The following DOCK7 variants were observed in gnomAD, a reference collection of about 807,000 sequenced individuals.
The protein encoded by DOCK7 is dedicator of cytokinesis 7.
DOCK7 carries 138 observed loss-of-function variants against 271.0 expected under a neutral mutation model. The ratio of observed to expected loss-of-function variants is 0.51; its 90% CI spans 0.44 to 0.59. DOCK7 has a LOEUF of 0.59. DOCK7 is among the 20% of genes least tolerant of loss of function. The pLI, the probability that DOCK7 is intolerant of heterozygous loss-of-function variation, is 0.00. For synonymous variants in DOCK7, 823 were observed against 876.1 expected, an observed-to-expected ratio of 0.94 and a Z score of 1.07; for missense variants, 2,066 against 2,592.4, an observed-to-expected ratio of 0.80 and a Z score of 4.41.
chr1:62,545,716 A>C (rs2149405753), intron 22 of DOCK7, among the ~76,000 whole-genome samples: 1 of 152,248 alleles, frequency 6.6e-6, no homozygotes, highest in East Asian at 1.9e-4. Context: ...TTATATCTTC[A>C]TCATCATCTT....
chr1:62,642,940 A>C lies in DOCK7; in HGVS notation c.818+4751T>G, dbSNP rs12048242. Among the ~76,000 whole-genome samples, 77 of 152,320 alleles carry C rather than the reference A, an allele frequency of 5.1e-4. 1 individual carries two copies. The East Asian group carries it at 0.013, about 26-fold the overall frequency. On this transcript the variant is annotated intron_variant, in intron 7 of 49. Coordinates refer to ENST00000635253, the MANE Select transcript of DOCK7 (RefSeq NM_001367561.1). Reference sequence around the variant, plus strand: ...CATTAAGAAAAGTCTATTTCTCCATACCTTGAATTCAGGCTACCCTTGTGA... The same window carrying C: ...CATTAAGAAAAGTCTATTTCTCCATCCCTTGAATTCAGGCTACCCTTGTGA...
intron 14 of DOCK7, among the ~76,000 whole-genome samples, chr1:62,589,347 A>T (rs1648076845): frequency 6.6e-6 from 1 of 152,164 alleles, no homozygotes; most frequent in Non-Finnish European, 1.5e-5. Flanking sequence ...TAGAGTTATT[A>T]TTCTTATGGA....
Position 62,648,178 on chromosome 1 carries a change from G to C in DOCK7, c.660C>G (p.Asp220Glu), listed in dbSNP as rs1557856323. The C allele has an allele frequency of 1.9e-6, 3 of 1,613,576 alleles. No homozygotes were observed. The highest frequency in any genetic ancestry group is 1.7e-6 in the Non-Finnish European group (2 of 1,179,730). The change falls in exon 6 of 50, where the codon GAC becomes GAG. Residue 220 changes from aspartate to glutamate, a missense_variant. By Grantham distance (45) the Asp-to-Glu change is conservative. Around this residue, in one of 2 missense-constraint regions of DOCK7, gnomAD observed 1,414 missense variants for 1,670.4 expected, o/e 0.85. Transcript: ENST00000635253. ...ATTTCCTTTGGTCATCATTCTGACG[G>C]TCTATTTCTTCATTTGGAGTTCGAT... ...LLDRTPNEEIDRQNDDQRKSN... is the reference protein window; with the variant it reads ...LLDRTPNEEIERQNDDQRKSN...
chr1:62,603,283 C>T (rs1650427514), intron 14 of DOCK7, among the ~76,000 whole-genome samples: 1 of 151,268 alleles, frequency 6.6e-6, no homozygotes, highest in African/African-American at 2.4e-5. Flanking sequence ...AACTCAATAG[C>T]AATAAGACAA....
intron 9 of DOCK7, 55 bp downstream of exon 9, chr1:62,634,718 C>T: frequency 1.3e-6 from 2 of 1,512,710 alleles, no homozygotes; most frequent in Non-Finnish European, 1.8e-6. Context: ...ATAATACTGA[C>T]AGACAAGTAT....
At position 62,473,993 on chromosome 1, in the gene DOCK7, A is replaced by G; in HGVS notation, c.6201T>C (p.Asp2067=). 6.2e-7 allele frequency: 1 copy of G among 1,613,702 alleles called. No homozygotes were observed. The highest frequency in any genetic ancestry group is 1.1e-5 in the South Asian group (1 of 91,016). ...AAAGCCTTGAATACCTTTTAGTAAA[A>G]TCTTTAAAGCAGAGTCGCAGTTTAT... is the stretch of plus-strand genomic sequence containing the variant. ...HHNKLRLCFK[D]FTKRCEDALR... is the part of the protein sequence containing the mutation. Residue 2067 remains aspartate (D), a synonymous_variant, in exon 48 of 50, where the codon GAT becomes GAC. Transcript: ENST00000635253.
At chr1:62,586,101 C>G (rs946769001) in intron 15 of DOCK7, among the ~76,000 whole-genome samples, 5 of 152,106 alleles carry the variant, frequency 3.3e-5, no homozygotes, top group Non-Finnish European at 7.4e-5. Flanking sequence ...CACATCACTT[C>G]CCACCTCCTT....
In DOCK7 at chr1:62,519,087, T is replaced by C. The variant is rs80030400; in HGVS notation, c.3937-5189A>G. ...CTACTTTAAAAAGCATCATAGTTCA[T>C]GTAGATGAAAGTGCAATCCACCAAA... On this transcript the variant is annotated intron_variant, in intron 31 of 49. Transcript: ENST00000635253. Among the ~76,000 whole-genome samples the C allele has an allele frequency of 3.7e-3, 562 of 152,000 alleles. 1 individual carries two copies. The highest frequency in any genetic ancestry group is 0.011 in the African/African-American group (448 of 41,440).
chr1:62,597,970 A>G lies in DOCK7; in HGVS notation c.1683-11346T>C, dbSNP rs1042280900. 5 of 1,558,570 alleles carry G rather than the reference A, an allele frequency of 3.2e-6. No homozygotes were observed. In the African/African-American group the frequency reaches 7.0e-5, roughly 22 times the overall value. ...CTCCTAGAAGAAAAAATTCTACTTC[A>G]ACAAAAAGTGAAATATTTAGAAGAG... On this transcript the variant is annotated intron_variant, in intron 14 of 49. Transcript: ENST00000635253.
intron 1 of DOCK7, among the ~76,000 whole-genome samples, chr1:62,680,817 A>C (rs1661038628): frequency 6.6e-6 from 1 of 151,998 alleles, no homozygotes; most frequent in Non-Finnish European, 1.5e-5. Context: ...GAGAAATGCA[A>C]ATCAAAACCA....
At chr1:62,592,720 G>A (rs1258260364) in intron 14 of DOCK7, among the ~76,000 whole-genome samples, 1 of 152,048 alleles carries the variant, frequency 6.6e-6, no homozygotes, top group Non-Finnish European at 1.5e-5. Context: ...ATATATACTT[G>A]TCTATTAGAT....
Position 62,653,741 on chromosome 1 carries a change from C to T in DOCK7, c.373G>A (p.Ala125Thr). The part of the protein sequence containing the change: ...DCIRSYTEDW[A>T]IVIRKYHKLG... ...ATAACTTACTTTCTGATGACAATTG[C>T]CCAGTCTTCTGTATAACTTCTTATA... Residue 125 changes from alanine to threonine, a missense_variant, in exon 4 of 50, where the codon GCA becomes ACA. Around this residue, in one of 2 missense-constraint regions of DOCK7, gnomAD observed 1,414 missense variants for 1,670.4 expected, o/e 0.85. Transcript: ENST00000635253. 6.3e-7 allele frequency: 1 copy of T among 1,583,090 alleles called. No homozygotes were observed. Among genetic ancestry groups the T allele is most frequent in the South Asian group, 1.1e-5 (1 of 89,626 alleles).
At chr1:62,672,257 C>G (rs955081588) in intron 1 of DOCK7, among the ~76,000 whole-genome samples, 2 of 152,014 alleles carry the variant, frequency 1.3e-5, no homozygotes, top group Admixed American at 6.5e-5. Flanking sequence ...TTCTTGATAC[C>G]TTACATTATA....
intron 1 of DOCK7, 88 bp from the exon 2 acceptor site, chr1:62,663,218 A>G: frequency 2.0e-6 from 2 of 1,017,944 alleles, no homozygotes; most frequent in South Asian, 2.9e-5. Flanking sequence ...AATACATTAA[A>G]GATTCATTTA....
At chr1:62,624,311 G>A (rs916120359) in intron 12 of DOCK7, among the ~76,000 whole-genome samples, 7 of 151,794 alleles carry the variant, frequency 4.6e-5, no homozygotes, top group Non-Finnish European at 8.8e-5. Context: ...TATTCTACTC[G>A]TGTTTTCTTT....
At chr1:62,631,534 C>A in intron 10 of DOCK7, 129 bp from the exon 11 acceptor site, 1 of 753,478 alleles carries the variant, frequency 1.3e-6, no homozygotes, top group Non-Finnish European at 2.1e-6. Context: ...AAAATCTGTA[C>A]CTTACAGAGA....
At chr1:62,633,635 G>T in intron 9 of DOCK7, 57 bp from the exon 10 acceptor site, 1 of 1,230,806 alleles carries the variant, frequency 8.1e-7, no homozygotes, top group Non-Finnish European at 1.2e-6. Context: ...ATTCAAGGAT[G>T]GTTCAATATA....
At chr1:62,472,651 T>C (rs1243015068) in intron 48 of DOCK7, among the ~76,000 whole-genome samples, 1 of 152,222 alleles carries the variant, frequency 6.6e-6, no homozygotes. Context: ...TTTACAAAGA[T>C]GGTAGGGTGT....
In DOCK7 at chr1:62,492,817, C is replaced by T. The variant is rs776064311; in HGVS notation, c.5248G>A (p.Ala1750Thr). 6.2e-7 allele frequency: 1 copy of T among 1,613,510 alleles called. No homozygotes were observed. Among genetic ancestry groups the T allele is most frequent in the South Asian group, 1.1e-5 (1 of 90,962 alleles). Residue 1750 changes from alanine (A) to threonine (T), a missense_variant, in exon 41 of 50, where the codon GCG (alanine) becomes ACG (threonine). Coordinates refer to ENST00000635253, the MANE Select transcript of DOCK7 (RefSeq NM_001367561.1). Reference sequence around the variant, plus strand: ...GGAGATACCACATCATCTGAGACCGCAGATTCTTCTAAAACATTAGATGAA... The same window carrying T: ...GGAGATACCACATCATCTGAGACCGTAGATTCTTCTAAAACATTAGATGAA... ...NISSNVLEES[A>T]VSDDVVSPDE...
Sources: gnomAD v4.1 joint callset for allele counts (sites outside exome capture counted in the v4.1 genomes callset) on GRCh38, gnomAD v4.1.1 for gene constraint, gnomAD v4.1.1 regional missense constraint, MANE v1.5 for transcripts, NCBI Gene and HGNC (gene_info 2026-07-23, HGNC 2026-07-21) for gene names.